Variants in TTLL11 observed in about 807,000 individuals in gnomAD.
TTLL11 encodes the protein tubulin polyglutamylase TTLL11.
Under a neutral mutation model 51.7 loss-of-function variants are expected in TTLL11, and 42 were observed. The ratio of observed to expected loss-of-function variants is 0.81; its 90% CI spans 0.64 to 1.05. The LOEUF (loss-of-function observed/expected upper bound fraction) is 1.05, where lower values mean the gene tolerates loss of function less well. Ranked by LOEUF, TTLL11 falls within the 50% of genes least tolerant of loss-of-function variation. The pLI is 0.00. For synonymous variants in TTLL11, 381 were observed against 383.5 expected (o/e 0.99, Z 0.08); for missense variants, 799 against 940.4 (o/e 0.85, Z 1.97).
intron 6 of TTLL11, among the ~76,000 whole-genome samples, chr9:121,956,695 C>T (rs34017626): frequency 0.049 from 7,477 of 152,330 alleles, 267 homozygotes; most frequent in Non-Finnish European, 0.076. Flanking sequence ...GGGTGGCAGG[C>T]AAGTAGTTCT....
chr9:122,047,370 C>G (rs1178727203), intron 1 of TTLL11, among the ~76,000 whole-genome samples: 1 of 152,106 alleles, frequency 6.6e-6, no homozygotes, highest in East Asian at 1.9e-4. Context: ...TGTAAAAGCA[C>G]AGAGGTAGGA....
chr9:121,936,168 C>T (rs1841208110), intron 6 of TTLL11, among the ~76,000 whole-genome samples: 1 of 152,060 alleles, frequency 6.6e-6, no homozygotes, highest in Non-Finnish European at 1.5e-5. Flanking sequence ...AGAATGTCGG[C>T]CAGTTCTTAG....
At chr9:122,090,252 G>C (rs1395640691) in intron 1 of TTLL11, among the ~76,000 whole-genome samples, 1 of 152,162 alleles carries the variant, frequency 6.6e-6, no homozygotes, top group Non-Finnish European at 1.5e-5. Context: ...GCAAACTGAG[G>C]CCTCAAGGGT....
intron 6 of TTLL11, among the ~76,000 whole-genome samples, chr9:121,928,974 T>A (rs953329151): frequency 2.6e-5 from 4 of 152,188 alleles, no homozygotes; most frequent in Non-Finnish European, 1.5e-5. Flanking sequence ...CACACTAGTA[T>A]AAAATGAATC....
At chr9:121,831,959 C>G (rs920052985) in intron 8 of TTLL11, among the ~76,000 whole-genome samples, 8 of 152,160 alleles carry the variant, frequency 5.3e-5, no homozygotes, top group Non-Finnish European at 1.2e-4. Context: ...CTGGTAAGGG[C>G]TCTCTTCCTG....
intron 6 of TTLL11, among the ~76,000 whole-genome samples, chr9:121,893,038 T>C (rs1839313601): frequency 6.6e-6 from 1 of 152,216 alleles, no homozygotes; most frequent in African/African-American, 2.4e-5. Flanking sequence ...TAGTTCTAAG[T>C]ATTATTATTA....
At chr9:121,938,909 C>T (rs1841339985) in intron 6 of TTLL11, among the ~76,000 whole-genome samples, 2 of 152,110 alleles carry the variant, frequency 1.3e-5, no homozygotes, top group South Asian at 4.1e-4. Context: ...CTTTTAACAG[C>T]TATTTATTGA....
chr9:122,028,946 G>C (rs1457304341), intron 3 of TTLL11, among the ~76,000 whole-genome samples: 2 of 152,116 alleles, frequency 1.3e-5, no homozygotes, highest in Non-Finnish European at 2.9e-5. Context: ...AATCCCAAGG[G>C]AAATTAGAGA....
intron 3 of TTLL11, among the ~76,000 whole-genome samples, chr9:122,023,352 T>C (rs1165322857): frequency 6.6e-6 from 1 of 151,990 alleles, no homozygotes; most frequent in African/African-American, 2.4e-5. Context: ...ATTTCCCTAG[T>C]GAATTTTACC....
chr9:121,844,776 A>G (rs4425833), intron 8 of TTLL11, among the ~76,000 whole-genome samples: 100,493 of 151,758 alleles, frequency 0.66, 33,717 homozygotes, highest in East Asian at 0.79. Flanking sequence ...AGAAAGAATC[A>G]GTGAGCTTGA....
intron 3 of TTLL11, among the ~76,000 whole-genome samples, chr9:122,012,227 T>C (rs1161168192): frequency 2.0e-5 from 3 of 152,188 alleles, no homozygotes; most frequent in African/African-American, 7.2e-5. Context: ...TCTTTTCTCG[T>C]AGAAAATTAG....
At chr9:121,948,950 T>C (rs930983245) in intron 6 of TTLL11, among the ~76,000 whole-genome samples, 1 of 152,180 alleles carries the variant, frequency 6.6e-6, no homozygotes, top group African/African-American at 2.4e-5. Context: ...GTCATAGGGC[T>C]CAGCATTTCT....
chr9:122,083,262 T>A (rs1040684553), intron 1 of TTLL11, among the ~76,000 whole-genome samples: 1 of 151,760 alleles, frequency 6.6e-6, no homozygotes, highest in Non-Finnish European at 1.5e-5. Context: ...CACTTCTGGG[T>A]AGACGTTTTA....
At chr9:122,012,663 T>TACAC (rs949997703) in intron 3 of TTLL11, among the ~76,000 whole-genome samples, 1 of 74,012 alleles carries the variant, frequency 1.4e-5, no homozygotes, top group African/African-American at 5.1e-5. Context: ...AAAATACACA[T>TACAC]ACACACACAC....
At chr9:121,999,949 C>G (rs1843410714) in intron 3 of TTLL11, among the ~76,000 whole-genome samples, 1 of 152,212 alleles carries the variant, frequency 6.6e-6, no homozygotes, top group Admixed American at 6.5e-5. Context: ...ATATCATCTT[C>G]AGGTCCACAT....
chr9:121,966,753 T>A (rs1842410470), intron 6 of TTLL11, among the ~76,000 whole-genome samples: 2 of 152,200 alleles, frequency 1.3e-5, no homozygotes, highest in South Asian at 4.1e-4. Flanking sequence ...GGACCCAGGT[T>A]CCAGTCTATC....
chr9:121,996,134 G>A (rs1843252461), intron 3 of TTLL11, among the ~76,000 whole-genome samples: 1 of 152,118 alleles, frequency 6.6e-6, no homozygotes, highest in Admixed American at 6.6e-5. Flanking sequence ...TGCACTCCTC[G>A]AGTGGCCTGG....
intron 6 of TTLL11, among the ~76,000 whole-genome samples, chr9:121,893,822 G>A (rs1009158027): frequency 6.6e-6 from 1 of 152,230 alleles, no homozygotes; most frequent in African/African-American, 2.4e-5. Context: ...GTCAGAAACT[G>A]GAGGGAATCT....
chr9:121,985,513 C>T (rs72765949), intron 4 of TTLL11, among the ~76,000 whole-genome samples: 4,290 of 97,480 alleles, frequency 0.044, 338 homozygotes, highest in African/African-American at 0.12. Context: ...ATTTTCTTTT[C>T]TTTTTTTTTT....
Sources: allele counts gnomAD v4.1 joint callset (sites outside exome capture counted in the v4.1 genomes callset), GRCh38; gene constraint gnomAD v4.1.1; transcripts MANE v1.5; gene names NCBI Gene and HGNC (gene_info 2026-07-23, HGNC 2026-07-21).